SNTG2: variants seen among roughly 807,000 people sequenced by gnomAD.
The protein encoded by SNTG2 is syntrophin gamma 2, also known as gamma-2-syntrophin.
Under a neutral mutation model 70.9 loss-of-function variants are expected in SNTG2, and 74 were observed. The observed-to-expected ratio is 1.04, with a 90% CI of 0.86 to 1.27. The LOEUF is 1.27. Among genes scored for constraint, SNTG2 ranks in the 50% most tolerant of loss-of-function variants. The pLI is 0.00. For synonymous variants in SNTG2, 278 were observed against 273.8 expected (o/e 1.02, Z -0.15); for missense variants, 717 against 690.7 (o/e 1.04, Z -0.43).
At chr2:1,221,101 C>G (rs1027196664) in intron 9 of SNTG2, among the ~76,000 whole-genome samples, 8 of 152,248 alleles carry the variant, frequency 5.3e-5, no homozygotes, top group African/African-American at 1.9e-4. Context: ...AGAAATCACT[C>G]TGCATCTGTG....
chr2:988,009 G>A (rs929739396), intron 1 of SNTG2, among the ~76,000 whole-genome samples: 16 of 152,174 alleles, frequency 1.1e-4, no homozygotes, highest in African/African-American at 2.7e-4. Flanking sequence ...CCTCAGCCTC[G>A]CCCTGCTCGC....
At chr2:1,231,610 T>G (rs1332081284) in intron 9 of SNTG2, among the ~76,000 whole-genome samples, 1 of 152,180 alleles carries the variant, frequency 6.6e-6, no homozygotes, top group African/African-American at 2.4e-5. Context: ...ATGCCAGCCA[T>G]GAGCTCCTCC....
intron 14 of SNTG2, among the ~76,000 whole-genome samples, chr2:1,275,600 C>T (rs540892542): frequency 6.6e-6 from 1 of 152,356 alleles, no homozygotes; most frequent in South Asian, 2.1e-4. Flanking sequence ...GTCGTTTTCT[C>T]ATCTCTCTTC....
chr2:1,026,650 G>T (rs1053513648), intron 1 of SNTG2, among the ~76,000 whole-genome samples: 1 of 152,092 alleles, frequency 6.6e-6, no homozygotes. Flanking sequence ...TCATTCTCCC[G>T]AGTAGCCTTG....
chr2:1,147,388 C>T (rs1669169701), intron 6 of SNTG2, among the ~76,000 whole-genome samples: 2 of 152,234 alleles, frequency 1.3e-5, no homozygotes, highest in Non-Finnish European at 2.9e-5. Flanking sequence ...CAGCTGCCAG[C>T]ATAGCCAGAA....
intron 6 of SNTG2, among the ~76,000 whole-genome samples, chr2:1,139,415 T>A (rs745804436): frequency 6.6e-6 from 1 of 152,090 alleles, no homozygotes; most frequent in African/African-American, 2.4e-5. Flanking sequence ...TAGTTTTTTT[T>A]AGTAGAGATG....
intron 1 of SNTG2, among the ~76,000 whole-genome samples, chr2:1,026,040 T>C (rs1472115676): frequency 1.3e-5 from 2 of 152,216 alleles, no homozygotes; most frequent in East Asian, 3.8e-4. Flanking sequence ...TGTTGCATGT[T>C]TATAGAAGTT....
In SNTG2 at chr2:1,083,521, A is replaced by G. The variant is rs1664480324; in HGVS notation, c.76A>G (p.Lys26Glu). The change falls in exon 2 of 17, where the codon AAA (lysine) becomes GAA (glutamate). Residue 26 changes from lysine (K) to glutamate (E), a missense_variant. By Grantham distance (56) the Lys-to-Glu change is moderately conservative (BLOSUM62 1). Transcript: ENST00000308624. ...TGTTTCCACTTTGTCCCTACAGACGAAAACCACTATTGCTCTGTTGTATGA... is the reference window on the plus strand; with the variant it reads ...TGTTTCCACTTTGTCCCTACAGACGGAAACCACTATTGCTCTGTTGTATGA... ...QGCLLVPART[K>E]TTIALLYDEE... 6.2e-7 allele frequency: 1 copy of G among 1,613,532 alleles called. No individual in the cohort carries two copies. The highest frequency in any genetic ancestry group is 8.5e-7 in the Non-Finnish European group (1 of 1,179,670).
intron 1 of SNTG2, among the ~76,000 whole-genome samples, chr2:1,057,012 G>C (rs147346811): frequency 6.6e-6 from 1 of 151,386 alleles, no homozygotes; most frequent in Non-Finnish European, 1.5e-5. Context: ...AGAGGGCGGC[G>C]CAGCGCTGTG....
chr2:1,152,997 G>A (rs547536016), intron 6 of SNTG2, among the ~76,000 whole-genome samples: 18 of 152,188 alleles, frequency 1.2e-4, no homozygotes, highest in South Asian at 4.1e-4. Flanking sequence ...GGTGGCGGGC[G>A]CCTGTGATTC....
intron 6 of SNTG2, among the ~76,000 whole-genome samples, chr2:1,145,009 T>TA (rs1253494262): frequency 2.6e-5 from 4 of 152,200 alleles, no homozygotes; most frequent in Non-Finnish European, 5.9e-5. Context: ...ATAGAAATCT[T>TA]AAAAATATTT....
intron 7 of SNTG2, among the ~76,000 whole-genome samples, chr2:1,166,691 G>A (rs1670730230): frequency 6.6e-6 from 1 of 152,172 alleles, no homozygotes; most frequent in Non-Finnish European, 1.5e-5. Flanking sequence ...GTGAGGACAG[G>A]CACTCCTGTT....
intron 1 of SNTG2, among the ~76,000 whole-genome samples, chr2:1,067,820 G>A (rs1466258979): frequency 6.6e-6 from 1 of 152,178 alleles, no homozygotes; most frequent in African/African-American, 2.4e-5. Context: ...ACCCCCACCC[G>A]TAAATCATGC....
At chr2:1,136,593 G>A in intron 4 of SNTG2, among the ~76,000 whole-genome samples, 1 of 152,198 alleles carries the variant, frequency 6.6e-6, no homozygotes, top group South Asian at 2.1e-4. Context: ...AGAATTGACA[G>A]TTAATCTGTA....
At chr2:1,042,327 T>C (rs556490772) in intron 1 of SNTG2, among the ~76,000 whole-genome samples, 1 of 152,330 alleles carries the variant, frequency 6.6e-6, no homozygotes, top group South Asian at 2.1e-4. Context: ...TATTCACAAA[T>C]ATTTCTCAAT....
At chr2:962,119 C>G (rs990948734) in intron 1 of SNTG2, among the ~76,000 whole-genome samples, 6 of 152,166 alleles carry the variant, frequency 3.9e-5, no homozygotes, top group Non-Finnish European at 8.8e-5. Context: ...GGCTGGAGTG[C>G]AGTGGCATGA....
At chr2:1,116,522 G>A in intron 4 of SNTG2, among the ~76,000 whole-genome samples, 1 of 150,972 alleles carries the variant, frequency 6.6e-6, no homozygotes, top group Non-Finnish European at 1.5e-5. Context: ...TGGTGTGTGG[G>A]TGCTCCAGTG....
chr2:964,911 C>T (rs1469845696), intron 1 of SNTG2, among the ~76,000 whole-genome samples: 1 of 152,110 alleles, frequency 6.6e-6, no homozygotes. Flanking sequence ...TGGGTGGCAG[C>T]CCCCTCTGTC....
chr2:1,057,269 T>C (rs1275434498), intron 1 of SNTG2, among the ~76,000 whole-genome samples: 2 of 152,264 alleles, frequency 1.3e-5, no homozygotes, highest in East Asian at 3.9e-4. Context: ...TTTTTATCTC[T>C]ATTCTGGCTG....
Sources: allele counts gnomAD v4.1 joint callset (sites outside exome capture counted in the v4.1 genomes callset), GRCh38; gene constraint gnomAD v4.1.1; transcripts MANE v1.5; gene names NCBI Gene and HGNC (gene_info 2026-07-23, HGNC 2026-07-21).